The following PIKFYVE variants were observed in gnomAD, a reference collection of about 807,000 sequenced individuals.
PIKFYVE encodes the protein 1-phosphatidylinositol 3-phosphate 5-kinase.
Under a neutral mutation model 257.9 loss-of-function variants are expected in PIKFYVE, and 122 were observed. The ratio of observed to expected loss-of-function variants is 0.47; its 90% CI spans 0.41 to 0.55. The LOEUF (loss-of-function observed/expected upper bound fraction) is 0.55. Among genes scored for constraint, PIKFYVE ranks in the 20% least tolerant of loss-of-function variants. The probability of loss-of-function intolerance (pLI) is 0.00; values close to 1 mark genes in which losing one functional copy is unlikely to be tolerated. For missense variants in PIKFYVE, 2,160 were observed against 2,536.6 expected, an observed-to-expected ratio of 0.85 and a Z score of 3.19; for synonymous variants, 892 against 868.9, an observed-to-expected ratio of 1.03 and a Z score of -0.47.
At chr2:208,285,667 A>G in intron 5 of PIKFYVE, 59 bp from the exon 6 acceptor site, 2 of 1,452,630 alleles carry the variant, frequency 1.4e-6, no homozygotes, top group African/African-American at 1.4e-5. Flanking sequence ...GTTAAGCAAT[A>G]TGTTACTGCT....
intron 31 of PIKFYVE, among the ~76,000 whole-genome samples, chr2:208,342,162 G>A (rs1036154607): frequency 2.6e-5 from 4 of 152,136 alleles, no homozygotes; most frequent in African/African-American, 7.2e-5. Context: ...GGGTTTTTTT[G>A]TGTGATAATA....
intron 23 of PIKFYVE, 82 bp from the exon 24 acceptor site, chr2:208,333,233 C>CA (rs370703596): frequency 0.099 from 98,560 of 992,760 alleles, no homozygotes; most frequent in Non-Finnish European, 0.11. Context: ...GACTCCATCT[C>CA]AAAAAAAAAA....
At chr2:208,291,992 G>A (rs1235014159) in intron 7 of PIKFYVE, among the ~76,000 whole-genome samples, 1 of 151,764 alleles carries the variant, frequency 6.6e-6, no homozygotes, top group African/African-American at 2.4e-5. Flanking sequence ...GTTAGGTTGT[G>A]TTTTCATTTT....
intron 5 of PIKFYVE, 78 bp from the exon 6 acceptor site, chr2:208,285,648 A>G (rs1243869660): frequency 3.8e-6 from 5 of 1,298,786 alleles, no homozygotes; most frequent in Non-Finnish European, 5.6e-6. Flanking sequence ...AAGGAGTTAA[A>G]AAAGTTACGT....
chr2:208,279,971 G>A (rs1318533890), intron 5 of PIKFYVE, among the ~76,000 whole-genome samples: 1 of 152,218 alleles, frequency 6.6e-6, no homozygotes, highest in Non-Finnish European at 1.5e-5. Context: ...TAAGGCTACA[G>A]TGACAAGATT....
chr2:208,328,167 C>T lies in PIKFYVE; in HGVS notation c.3619-13C>T, dbSNP rs2125608110. 6 of 1,613,496 alleles carry T rather than the reference C, an allele frequency of 3.7e-6. No individual in the cohort carries two copies. The highest frequency in any genetic ancestry group is 5.1e-6 in the Non-Finnish European group (6 of 1,179,682). ...GCAGTCACTTGCTCATCCATTCATT[C>T]CTTCTATTTCAGGTGGACTGTCTGA... On this transcript the variant is annotated splice_polypyrimidine_tract_variant and intron_variant, in intron 20 of 41. Transcript: ENST00000264380.
chr2:208,325,085 T>C (rs749649501), intron 19 of PIKFYVE, 48 bp downstream of exon 19: 32 of 1,610,538 alleles, frequency 2.0e-5, no homozygotes, highest in Non-Finnish European at 2.6e-5. Flanking sequence ...AGTTAACTTA[T>C]CACTACTACA....
intron 41 of PIKFYVE, among the ~76,000 whole-genome samples, chr2:208,354,920 T>TC (rs1700069969): frequency 6.6e-6 from 1 of 152,244 alleles, no homozygotes; most frequent in Non-Finnish European, 1.5e-5. Context: ...ACTTGAGACT[T>TC]CCAAGTTCTC....
intron 6 of PIKFYVE, among the ~76,000 whole-genome samples, chr2:208,287,700 A>G (rs887150363): frequency 6.6e-6 from 1 of 152,088 alleles, no homozygotes; most frequent in Non-Finnish European, 1.5e-5. Context: ...TCCCAGGTTC[A>G]AGTGATTCTT....
intron 7 of PIKFYVE, among the ~76,000 whole-genome samples, chr2:208,294,160 A>G (rs1368303738): frequency 6.6e-6 from 1 of 152,148 alleles, no homozygotes; most frequent in Admixed American, 6.5e-5. Flanking sequence ...GATAGCCTCA[A>G]GTTCAAAGAT....
Position 208,345,185 on chromosome 2 carries a change from C to T in PIKFYVE, c.5102C>T (p.Pro1701Leu), listed in dbSNP as rs1699117879. The T allele has an allele frequency of 1.2e-6, 2 of 1,607,554 alleles. No homozygotes were observed. The highest frequency in any genetic ancestry group is 1.3e-5 in the African/African-American group (1 of 74,706). ...TGGAACAGTGCCGAAGAAGGGCTTCCAACAAATAGGTGATTCATGATTGAG... is the reference window on the plus strand; with the variant it reads ...TGGAACAGTGCCGAAGAAGGGCTTCTAACAAATAGGTGATTCATGATTGAG... ...TQWNSAEEGL[P>L]TNSTSDSRPK... The change falls in exon 33 of 42, where the codon CCA (proline) becomes CTA (leucine). Residue 1701 changes from proline (P) to leucine (L), a missense_variant. Coordinates refer to ENST00000264380, the MANE Select transcript of PIKFYVE (RefSeq NM_015040.4).
intron 7 of PIKFYVE, among the ~76,000 whole-genome samples, chr2:208,295,887 T>C (rs947968235): frequency 7.2e-5 from 11 of 152,354 alleles, no homozygotes; most frequent in African/African-American, 2.4e-4. Flanking sequence ...TGCAATGTTA[T>C]TATGTTTGCA....
intron 40 of PIKFYVE, 36 bp downstream of exon 40, chr2:208,354,195 T>G: frequency 6.2e-7 from 1 of 1,602,130 alleles, no homozygotes; most frequent in Non-Finnish European, 8.5e-7. Context: ...ATTTCATGAT[T>G]GAAGTCAGAG....
rs774738037 is a variant in PIKFYVE at position 208,300,953 on chromosome 2, A to T, written c.1067A>T (p.Lys356Ile). ...TGATTGCAGGACAGTGTGCAGTTAA[A>T]AGACCTGTGGAAAAAAATCTGCCAT... Reference protein sequence around the residue: ...RKILLDSVQLKDLWKKICHHS... With the variant: ...RKILLDSVQLIDLWKKICHHS... The change falls in exon 9 of 42, where the codon AAA (lysine) becomes ATA (isoleucine). Residue 356 changes from lysine (K) to isoleucine (I), a missense_variant. Lys to Ile is a moderately radical substitution (Grantham distance 102, BLOSUM62 -3). Around this residue, in one of 12 missense-constraint regions of PIKFYVE, gnomAD observed 187 missense variants for 185.6 expected, o/e 1.01. Coordinates refer to ENST00000264380, the MANE Select transcript of PIKFYVE (RefSeq NM_015040.4). 4.3e-6 allele frequency: 7 copies of T among 1,614,114 alleles called. No homozygotes were observed. In the East Asian group the frequency reaches 1.6e-4, roughly 36 times the overall value.
chr2:208,311,527 A>G (rs905423933), intron 12 of PIKFYVE, among the ~76,000 whole-genome samples: 1 of 152,178 alleles, frequency 6.6e-6, no homozygotes, highest in Admixed American at 6.5e-5. Context: ...CATTTGAGCT[A>G]TGCTTGGTCA....
intron 5 of PIKFYVE, among the ~76,000 whole-genome samples, chr2:208,282,393 A>G (rs1393876742): frequency 1.3e-5 from 2 of 152,236 alleles, no homozygotes; most frequent in Admixed American, 6.5e-5. Context: ...AAACAGAACC[A>G]GTAGGATACA....
At chr2:208,346,226 A>G (rs1699218002) in intron 34 of PIKFYVE, 79 bp downstream of exon 34, 2 of 1,133,052 alleles carry the variant, frequency 1.8e-6, no homozygotes, top group East Asian at 2.5e-5. Flanking sequence ...CATAAAAACA[A>G]ATAAGTACTA....
At chr2:208,333,030 C>G (rs575578543) in intron 23 of PIKFYVE, among the ~76,000 whole-genome samples, 9 of 151,710 alleles carry the variant, frequency 5.9e-5, no homozygotes, top group African/African-American at 2.2e-4. Flanking sequence ...GTCAGAAGAT[C>G]GAGACCACCC....
intron 17 of PIKFYVE, among the ~76,000 whole-genome samples, chr2:208,323,185 G>A (rs1696495619): frequency 6.7e-6 from 1 of 150,034 alleles, no homozygotes; most frequent in African/African-American, 2.5e-5. Flanking sequence ...ATGTATACAT[G>A]TGCCGTGCTG....
Sources: gnomAD v4.1 joint callset for allele counts (sites outside exome capture counted in the v4.1 genomes callset) on GRCh38, gnomAD v4.1.1 for gene constraint, gnomAD v4.1.1 regional missense constraint, MANE v1.5 for transcripts, NCBI Gene and HGNC (gene_info 2026-07-23, HGNC 2026-07-21) for gene names.